Variants in HUWE1 observed in about 807,000 individuals in gnomAD.
The protein encoded by HUWE1 is HECT, UBA and WWE domain containing E3 ubiquitin protein ligase 1, also known as E3 ubiquitin-protein ligase HUWE1.
HUWE1 carries 18 observed loss-of-function variants against 299.4 expected under a neutral mutation model. The ratio of observed to expected loss-of-function variants is 0.06; its 90% CI spans 0.04 to 0.09. The LOEUF is 0.09. HUWE1 is among the 10% of genes least tolerant of loss of function. The pLI is 1.00. For synonymous variants in HUWE1, 1,317 were observed against 1,286.1 expected, an observed-to-expected ratio of 1.02 and a Z score of -0.51; for missense variants, 1,832 against 3,462.3, an observed-to-expected ratio of 0.53 and a Z score of 11.82.
At chrX:53,649,764 C>T (rs1171936395) in intron 4 of HUWE1, among the ~76,000 whole-genome samples, 4 of 112,163 alleles carry the variant, frequency 3.6e-5, no homozygotes, top group African/African-American at 9.7e-5. Flanking sequence ...AAACGTGTTA[C>T]TTCTATTTCT....
chrX:53,576,642 T>C (rs2063119333), intron 44 of HUWE1, among the ~76,000 whole-genome samples: 1 of 112,194 alleles, frequency 8.9e-6, no homozygotes, highest in African/African-American at 3.2e-5. Context: ...TTAGAAATCA[T>C]GTACACAAAG....
intron 43 of HUWE1, among the ~76,000 whole-genome samples, chrX:53,578,384 C>T (rs1556961850): frequency 3.0e-5 from 3 of 99,392 alleles, no homozygotes; most frequent in Non-Finnish European, 4.1e-5. Context: ...CCCGGCCAGC[C>T]GCCCCGTCCG....
intron 3 of HUWE1, among the ~76,000 whole-genome samples, chrX:53,658,439 G>C (rs1279893395): frequency 9.0e-6 from 1 of 111,635 alleles, no homozygotes; most frequent in African/African-American, 3.3e-5. Context: ...AAAGTCAGAA[G>C]ACCTACATTA....
At chrX:53,610,768 T>TGAATTAAAGGCAA (rs1557001437) in intron 23 of HUWE1, among the ~76,000 whole-genome samples, 1 of 111,658 alleles carries the variant, frequency 9.0e-6, no homozygotes, top group East Asian at 2.8e-4. Flanking sequence ...TCTGCACTCA[T>TGAATTAAAGGCAA]TGCCTTTAAA....
intron 74 of HUWE1, among the ~76,000 whole-genome samples, chrX:53,541,975 G>GT (rs1352537853): frequency 8.9e-6 from 1 of 112,115 alleles, no homozygotes; most frequent in Non-Finnish European, 1.9e-5. Flanking sequence ...GAGGTCAGGA[G>GT]TTTGAGACCA....
chrX:53,579,137 G>A (rs2063452010), intron 43 of HUWE1, among the ~76,000 whole-genome samples: 1 of 76,226 alleles, frequency 1.3e-5, no homozygotes, highest in African/African-American at 5.2e-5. Context: ...CTGCCCGGCC[G>A]CCCCTACTGG....
At chrX:53,546,408 A>T in intron 70 of HUWE1, 28 bp downstream of exon 70, 1 of 1,194,392 alleles carries the variant, frequency 8.4e-7, no homozygotes, top group Non-Finnish European at 1.1e-6. Flanking sequence ...ACCTTCAGAA[A>T]GAGAAAATGC....
chrX:53,676,226 A>T (rs1481907502), intron 3 of HUWE1, among the ~76,000 whole-genome samples: 4 of 111,549 alleles, frequency 3.6e-5, no homozygotes, highest in Non-Finnish European at 7.5e-5. Context: ...CTGATCACCT[A>T]CCATGTACTA....
At chrX:53,602,511 C>T in intron 28 of HUWE1, 53 bp downstream of exon 28, 5 of 710,452 alleles carry the variant, frequency 7.0e-6, no homozygotes, top group Non-Finnish European at 1.1e-5. Flanking sequence ...CCTATAAAGA[C>T]GTAGGAACAA....
At chrX:53,635,691 T>C (rs906167351) in intron 7 of HUWE1, among the ~76,000 whole-genome samples, 1 of 111,852 alleles carries the variant, frequency 8.9e-6, no homozygotes, top group Admixed American at 9.5e-5. Context: ...CTTCATTTTA[T>C]TCCTGTCTAG....
At chrX:53,563,995 C>T (rs978833075) in intron 51 of HUWE1, among the ~76,000 whole-genome samples, 174 bp from the exon 52 acceptor site, 1 of 112,243 alleles carries the variant, frequency 8.9e-6, no homozygotes, top group Non-Finnish European at 1.9e-5. Flanking sequence ...CCACGTGCTA[C>T]CAATCCACAA....
intron 19 of HUWE1, among the ~76,000 whole-genome samples, chrX:53,623,584 A>G (rs1374825129): frequency 7.1e-5 from 8 of 111,980 alleles, no homozygotes; most frequent in Non-Finnish European, 1.3e-4. Context: ...GGAACAAAGC[A>G]AAGAGGCCCA....
At chrX:53,553,090 T>A (rs1240910824) in intron 61 of HUWE1, among the ~76,000 whole-genome samples, 197 bp from the exon 62 acceptor site, 1 of 111,352 alleles carries the variant, frequency 9.0e-6, no homozygotes, top group Non-Finnish European at 1.9e-5. Context: ...TCTTGAACAT[T>A]TACTGTGTTC....
At chrX:53,646,909 A>C (rs1164835333) in intron 6 of HUWE1, among the ~76,000 whole-genome samples, 1 of 112,088 alleles carries the variant, frequency 8.9e-6, no homozygotes, top group Admixed American at 9.5e-5. Context: ...TCAAGGACAC[A>C]AAGGATGCTA....
At chrX:53,579,041 T>C (rs782715886) in intron 43 of HUWE1, among the ~76,000 whole-genome samples, 38 of 12,369 alleles carry the variant, frequency 3.1e-3, no homozygotes, top group African/African-American at 4.1e-3. Context: ...GGGGGGGGGG[T>C]CGGCCAGCCG....
chrX:53,570,290 A>T (rs2062764441), intron 47 of HUWE1, among the ~76,000 whole-genome samples: 1 of 112,223 alleles, frequency 8.9e-6, no homozygotes, highest in South Asian at 3.7e-4. Flanking sequence ...CCTATCTTAA[A>T]ATATTTTCAC....
chrX:53,542,610 GC>G, intron 73 of HUWE1, 71 bp from the exon 74 acceptor site: 3 of 717,325 alleles, frequency 4.2e-6, no homozygotes, highest in Non-Finnish European at 4.4e-6. Flanking sequence ...CTAGAGGTTG[GC>G]CCTTCCACTT....
At chrX:53,672,049 T>C (rs782102817) in intron 3 of HUWE1, among the ~76,000 whole-genome samples, 1 of 109,817 alleles carries the variant, frequency 9.1e-6, no homozygotes, top group African/African-American at 3.3e-5. Context: ...TACAGAAGTA[T>C]ACATAATGAC....
intron 78 of HUWE1, 45 bp downstream of exon 78, chrX:53,537,511 C>T: frequency 1.7e-6 from 2 of 1,191,812 alleles, no homozygotes; most frequent in African/African-American, 1.7e-5. Context: ...GTGCAGGAGG[C>T]CCCACCTCCC....
Sources: allele counts gnomAD v4.1 joint callset (sites outside exome capture counted in the v4.1 genomes callset), GRCh38; gene constraint gnomAD v4.1.1; transcripts MANE v1.5; gene names NCBI Gene and HGNC (gene_info 2026-07-23, HGNC 2026-07-21).